Variants in KLHL1 observed in about 807,000 individuals in gnomAD.
The protein encoded by KLHL1 is kelch like family member 1.
Under a neutral mutation model 77.7 loss-of-function variants are expected in KLHL1, and 47 were observed. The observed-to-expected ratio is 0.60, with a 90% CI of 0.48 to 0.77. The LOEUF (loss-of-function observed/expected upper bound fraction) is 0.77. KLHL1 is among the 30% of genes least tolerant of loss of function. KLHL1 has a pLI of 0.00. For synonymous variants in KLHL1, 360 were observed against 325.2 expected (o/e 1.11, Z -1.15); for missense variants, 925 against 910.8 (o/e 1.02, Z -0.20).
At chr13:70,053,591 T>A (rs1566535586) in intron 1 of KLHL1, among the ~76,000 whole-genome samples, 1 of 152,104 alleles carries the variant, frequency 6.6e-6, no homozygotes, top group African/African-American at 2.4e-5. Flanking sequence ...TGGTAAGACA[T>A]TTCTGTGATA....
intron 1 of KLHL1, among the ~76,000 whole-genome samples, chr13:70,104,308 T>C (rs1033218413): frequency 3.9e-5 from 6 of 152,262 alleles, no homozygotes; most frequent in South Asian, 4.2e-4. Flanking sequence ...ATGCAGGTAG[T>C]GAGCATTTAA....
At chr13:70,078,493 T>C (rs1364124170) in intron 1 of KLHL1, among the ~76,000 whole-genome samples, 1 of 152,108 alleles carries the variant, frequency 6.6e-6, no homozygotes, top group Non-Finnish European at 1.5e-5. Context: ...CAAAAAAATA[T>C]GAACTTGGAG....
chr13:69,727,944 A>G (rs1873375907), intron 8 of KLHL1, among the ~76,000 whole-genome samples: 1 of 151,392 alleles, frequency 6.6e-6, no homozygotes, highest in African/African-American at 2.4e-5. Context: ...TAAATTTTGC[A>G]TTTTATATTC....
At chr13:69,961,229 A>G in intron 3 of KLHL1, 79 bp downstream of exon 3, 1 of 1,353,552 alleles carries the variant, frequency 7.4e-7, no homozygotes, top group South Asian at 1.5e-5. Context: ...TTTTTAAAAA[A>G]GCGTTAAATC....
chr13:69,732,727 T>C (rs1475640124), intron 8 of KLHL1, among the ~76,000 whole-genome samples: 1 of 151,958 alleles, frequency 6.6e-6, no homozygotes, highest in Non-Finnish European at 1.5e-5. Context: ...AGAGTTGCTC[T>C]GTAGCACCAG....
At chr13:69,977,298 T>C (rs1375953676) in intron 1 of KLHL1, among the ~76,000 whole-genome samples, 2 of 152,056 alleles carry the variant, frequency 1.3e-5, no homozygotes, top group African/African-American at 4.8e-5. Context: ...CTTTCATTGG[T>C]CTTTTAATAT....
chr13:69,901,895 T>G (rs1283981819), intron 4 of KLHL1, among the ~76,000 whole-genome samples: 3 of 150,384 alleles, frequency 2.0e-5, no homozygotes, highest in African/African-American at 7.3e-5. Context: ...CCTCACGGGT[T>G]CAAGCGATTC....
At chr13:69,861,518 A>G (rs1157941912) in intron 5 of KLHL1, among the ~76,000 whole-genome samples, 1 of 152,078 alleles carries the variant, frequency 6.6e-6, no homozygotes, top group Non-Finnish European at 1.5e-5. Context: ...ACTTCCTACT[A>G]CATATATATC....
chr13:70,107,352 G>A lies in KLHL1; in HGVS notation c.348C>T (p.Ala116=), dbSNP rs772759522. The change falls in exon 1 of 11, where the codon GCC becomes GCT. Residue 116 remains alanine (A), a synonymous_variant. Coordinates refer to ENST00000377844, the MANE Select transcript of KLHL1 (RefSeq NM_020866.3). ...GAPGQGTQQP[A]RTLFYVESLE... ...GTGACTCCACGTAGAAGAGAGTCCT[G>A]GCTGGCTGCTGAGTGCCCTGCCCAG... is the stretch of plus-strand genomic sequence containing the variant. The A allele has an allele frequency of 6.2e-7, 1 of 1,613,872 alleles. No individual in the cohort carries two copies. Among genetic ancestry groups the A allele is most frequent in the Non-Finnish European group, 8.5e-7 (1 of 1,180,026 alleles).
intron 1 of KLHL1, among the ~76,000 whole-genome samples, chr13:70,067,634 G>GACAACA (rs3072584): frequency 0.01 from 1,561 of 151,034 alleles, 17 homozygotes; most frequent in African/African-American, 0.03. Flanking sequence ...GACATATTTT[G>GACAACA]ACAACAACAA....
intron 7 of KLHL1, among the ~76,000 whole-genome samples, chr13:69,776,206 A>C (rs1875823330): frequency 6.6e-6 from 1 of 152,186 alleles, no homozygotes; most frequent in Non-Finnish European, 1.5e-5. Flanking sequence ...AGAATCTCAT[A>C]TTTAACCTCC....
chr13:69,843,222 G>A (rs185327617), intron 5 of KLHL1, among the ~76,000 whole-genome samples: 4 of 151,580 alleles, frequency 2.6e-5, no homozygotes, highest in South Asian at 2.1e-4. Flanking sequence ...CTATATGCAC[G>A]TAACAAAATT....
At chr13:69,841,976 G>A (rs1207433992) in intron 5 of KLHL1, among the ~76,000 whole-genome samples, 1 of 151,804 alleles carries the variant, frequency 6.6e-6, no homozygotes, top group East Asian at 1.9e-4. Flanking sequence ...TGGGAAAATT[G>A]GATAGCCACA....
At chr13:70,075,569 GTA>G (rs1555295388) in intron 1 of KLHL1, among the ~76,000 whole-genome samples, 1 of 106,676 alleles carries the variant, frequency 9.4e-6, no homozygotes, top group African/African-American at 3.7e-5. Flanking sequence ...GTGTGTATGT[GTA>G]TATATATATA....
chr13:69,717,444 T>C (rs1034420789), intron 9 of KLHL1, among the ~76,000 whole-genome samples: 7 of 152,286 alleles, frequency 4.6e-5, no homozygotes, highest in African/African-American at 1.7e-4. Flanking sequence ...GATACTGCTG[T>C]GTGCTTCTGC....
chr13:69,773,863 C>CTATATATA lies in KLHL1; in HGVS notation c.1639+22867_1639+22874dup, dbSNP rs72007331. Among the ~76,000 whole-genome samples, 949 of 146,024 alleles carry CTATATATA rather than the reference C, an allele frequency of 6.5e-3. 7 individuals carry two copies. Among genetic ancestry groups the CTATATATA allele is most frequent in the African/African-American group, 0.023 (896 of 39,718 alleles). On this transcript the variant is annotated intron_variant, in intron 7 of 10. Transcript: ENST00000377844. ...TCTGGCACCCAGAGAAAGTCCTTGG[C>CTATATATA]TATATATATATATATATATACATAG...
At chr13:69,709,566 A>G (rs962932148) in intron 9 of KLHL1, among the ~76,000 whole-genome samples, 2 of 152,090 alleles carry the variant, frequency 1.3e-5, no homozygotes, top group African/African-American at 4.8e-5. Context: ...ACATTTTGGA[A>G]TATCAGTGAG....
intron 1 of KLHL1, among the ~76,000 whole-genome samples, chr13:70,082,332 CACACACACA>C: frequency 7.0e-6 from 1 of 143,384 alleles, no homozygotes. Flanking sequence ...CACACACACA[CACACACACA>C]CACACACACA....
intron 1 of KLHL1, among the ~76,000 whole-genome samples, chr13:69,991,223 C>A (rs1885019110): frequency 6.6e-6 from 1 of 151,770 alleles, no homozygotes; most frequent in Non-Finnish European, 1.5e-5. Context: ...AAATTAACAA[C>A]CTAACATCAC....
Sources: allele counts gnomAD v4.1 joint callset (sites outside exome capture counted in the v4.1 genomes callset), GRCh38; gene constraint gnomAD v4.1.1; transcripts MANE v1.5; gene names NCBI Gene and HGNC (gene_info 2026-07-23, HGNC 2026-07-21).